Variants in TEX9 observed in about 807,000 individuals in gnomAD.
TEX9 encodes the protein testis expressed 9.
In TEX9, 74 loss-of-function variants were observed where a neutral mutation model predicts 59.6. The ratio of observed to expected loss-of-function variants is 1.24; its 90% CI spans 1.03 to 1.51. The LOEUF (loss-of-function observed/expected upper bound fraction) is 1.51, where lower values mean the gene tolerates loss of function less well. Ranked by LOEUF, TEX9 falls within the 40% of genes most tolerant of loss-of-function variation. TEX9 has a pLI of 0.00. For synonymous variants in TEX9, 186 were observed against 152.2 expected, an observed-to-expected ratio of 1.22 and a Z score of -1.64; for missense variants, 522 against 447.8, an observed-to-expected ratio of 1.17 and a Z score of -1.49.
At chr15:56,365,768 C>T in intron 2 of TEX9, 98 bp downstream of exon 2, 1 of 1,535,418 alleles carries the variant, frequency 6.5e-7, no homozygotes, top group Non-Finnish European at 8.8e-7. Flanking sequence ...TCTTCGGGAC[C>T]ACTCACTCTG....
At chr15:56,393,773 TAC>T (rs2048323778) in intron 7 of TEX9, 1 of 168,118 alleles carries the variant, frequency 5.9e-6, no homozygotes, top group African/African-American at 2.4e-5. Flanking sequence ...GGATCTGTGT[TAC>T]AGTCAGTGGC....
intron 2 of TEX9, among the ~76,000 whole-genome samples, chr15:56,371,718 A>T (rs1472334595): frequency 6.6e-6 from 1 of 152,040 alleles, no homozygotes; most frequent in African/African-American, 2.4e-5. Context: ...TCGAGTTTTG[A>T]TTGATTCCAC....
At position 56,246,655 on chromosome 15, in the gene TEX9, C is replaced by G. The variant is rs912476295; in HGVS notation, c.-107+2377C>G. Among the ~76,000 whole-genome samples, 3 of 152,162 alleles carry G rather than the reference C, an allele frequency of 2.0e-5. No individual in the cohort carries two copies. In the South Asian group the frequency reaches 6.2e-4, roughly 32 times the overall value. On this transcript the variant is annotated intron_variant, in intron 1 of 5. Transcript: ENST00000560827. ...AATGTGGCTCATTTTCTCTGAGCAT[C>G]ATTTTGACTCTCTGGTAAATAAGGT...
chr15:56,264,179 G>C (rs570916885), intron 1 of TEX9, among the ~76,000 whole-genome samples: 16 of 152,128 alleles, frequency 1.1e-4, no homozygotes, highest in African/African-American at 3.6e-4. Flanking sequence ...TAGTCGCACC[G>C]TTTTTGAATT....
chr15:56,369,330 C>A (rs957556076), intron 2 of TEX9, among the ~76,000 whole-genome samples: 2 of 151,140 alleles, frequency 1.3e-5, no homozygotes, highest in African/African-American at 4.9e-5. Context: ...GCTGGGACTA[C>A]AGGCGCATGG....
chr15:56,391,282 T>C (rs775358606), exon 7 of TEX9: 1 of 1,583,540 alleles, frequency 6.3e-7, no homozygotes, highest in African/African-American at 1.4e-5. Context: ...CTGCCGACGA[T>C]GTTGCCATTC....
intron 9 of TEX9, chr15:56,395,139 A>G (rs1282800088): frequency 8.5e-5 from 30 of 352,230 alleles, no homozygotes; most frequent in Admixed American, 7.3e-4. Context: ...GCTCCCCTCA[A>G]TCCCTTACAG....
At chr15:56,283,884 T>A in intron 1 of TEX9, among the ~76,000 whole-genome samples, 1 of 152,124 alleles carries the variant, frequency 6.6e-6, no homozygotes, top group East Asian at 1.9e-4. Flanking sequence ...TACAAAGGGA[T>A]GAATTCACAG....
intron 9 of TEX9, among the ~76,000 whole-genome samples, chr15:56,403,714 C>A (rs1247874880): frequency 6.6e-6 from 1 of 152,216 alleles, no homozygotes; most frequent in African/African-American, 2.4e-5. Flanking sequence ...AGGCATCACA[C>A]TACCTGACTT....
chr15:56,438,912 CTCT>C (rs772353302), intron 12 of TEX9, among the ~76,000 whole-genome samples: 26 of 152,106 alleles, frequency 1.7e-4, no homozygotes, highest in Non-Finnish European at 3.5e-4. Flanking sequence ...ACTCTCATCA[CTCT>C]TCTTCAACAT....
intron 1 of TEX9, among the ~76,000 whole-genome samples, chr15:56,268,329 C>G (rs554262172): frequency 7.0e-4 from 106 of 152,236 alleles, no homozygotes; most frequent in Non-Finnish European, 1.3e-3. Flanking sequence ...TTTCTCTTGC[C>G]TGGTTGCCCT....
chr15:56,393,405 CAT>C (rs1262010331), intron 7 of TEX9, among the ~76,000 whole-genome samples: 1 of 152,118 alleles, frequency 6.6e-6, no homozygotes, highest in African/African-American at 2.4e-5. Context: ...CTGCACGTCA[CAT>C]GTGTATGGCT....
Position 56,302,690 on chromosome 15 carries a change from G to C in TEX9, c.-107+58412G>C, listed in dbSNP as rs2045391484. Among the ~76,000 whole-genome samples the C allele has an allele frequency of 2.0e-5, 3 of 152,218 alleles. No homozygotes were observed. The South Asian group carries it at 6.2e-4, about 32-fold the overall frequency. On this transcript the variant is annotated intron_variant, in intron 1 of 5. Coordinates refer to the TEX9 transcript ENST00000560827. ...CAGATAACAAATAACAAAATGGCAG[G>C]AGTAAGTTCTTACTTATCAATAATA...
chr15:56,357,860 C>G (rs2071541577), intron 1 of TEX9, among the ~76,000 whole-genome samples: 1 of 152,078 alleles, frequency 6.6e-6, no homozygotes, highest in South Asian at 2.1e-4. Flanking sequence ...TATTTCACAG[C>G]TGATAAAATT....
chr15:56,337,523 G>T (rs1234491694), intron 1 of TEX9, among the ~76,000 whole-genome samples: 1 of 152,116 alleles, frequency 6.6e-6, no homozygotes, highest in African/African-American at 2.4e-5. Context: ...TTGTTTCTGT[G>T]GTTAAATATT....
chr15:56,276,905 C>T (rs2044682715), intron 1 of TEX9, among the ~76,000 whole-genome samples: 1 of 152,178 alleles, frequency 6.6e-6, no homozygotes, highest in African/African-American at 2.4e-5. Flanking sequence ...ATTTGCATTT[C>T]TCTAATGATC....
chr15:56,426,589 GTATATATATATATATATA>G (rs71110391), intron 10 of TEX9, among the ~76,000 whole-genome samples: 2,045 of 24,324 alleles, frequency 0.084, 181 homozygotes, highest in African/African-American at 0.12. Context: ...TTGAAAAGGT[GTATATATATATATATATA>G]TATATATATA....
chr15:56,324,574 G>A (rs2045979991), intron 1 of TEX9, among the ~76,000 whole-genome samples: 1 of 152,118 alleles, frequency 6.6e-6, no homozygotes, highest in African/African-American at 2.4e-5. Context: ...CTACAGATGT[G>A]GATTATGTAG....
At chr15:56,443,615 TAAAG>T in intron 12 of TEX9, 1 of 1,604,710 alleles carries the variant, frequency 6.2e-7, no homozygotes, top group Non-Finnish European at 8.5e-7. Flanking sequence ...TTACTAGTGT[TAAAG>T]AAGTGGTTAT....
Sources: gnomAD v4.1 joint callset for allele counts (sites outside exome capture counted in the v4.1 genomes callset) on GRCh38, gnomAD v4.1.1 for gene constraint, MANE v1.5 for transcripts, NCBI Gene and HGNC (gene_info 2026-07-23, HGNC 2026-07-21) for gene names.